The following LARP4B variants were observed in gnomAD, a reference collection of about 807,000 sequenced individuals.
LARP4B encodes la-related protein 4B.
A neutral mutation model predicts 89.8 loss-of-function variants in LARP4B; 12 were observed. That is an observed-to-expected ratio of 0.13 (90% CI 0.09 to 0.22). The LOEUF is 0.22. Ranked by LOEUF, LARP4B falls within the 10% of genes least tolerant of loss-of-function variation. LARP4B has a pLI of 1.00. For missense variants in LARP4B, 757 were observed against 947.7 expected (o/e 0.80, Z 2.64); for synonymous variants, 367 against 363.3 (o/e 1.01, Z -0.12).
intron 11 of LARP4B, among the ~76,000 whole-genome samples, 190 bp from the exon 12 acceptor site, chr10:826,060 T>C (rs368012246): frequency 1.3e-5 from 2 of 152,250 alleles, no homozygotes; most frequent in African/African-American, 4.8e-5. Context: ...CTTTTGTGCA[T>C]CCTTTCAGCC....
intron 3 of LARP4B, among the ~76,000 whole-genome samples, chr10:883,181 T>C: frequency 6.6e-6 from 1 of 152,244 alleles, no homozygotes; most frequent in Admixed American, 6.5e-5. Context: ...AATTTTCTTC[T>C]TAGACTACCA....
At chr10:925,031 T>C (rs987640796) in intron 1 of LARP4B, among the ~76,000 whole-genome samples, 36 of 152,338 alleles carry the variant, frequency 2.4e-4, no homozygotes, top group African/African-American at 8.2e-4. Context: ...TTATATGGTA[T>C]GTTATAGTGT....
At chr10:825,044 A>T in intron 13 of LARP4B, 21 bp downstream of exon 13, 1 of 1,606,932 alleles carries the variant, frequency 6.2e-7, no homozygotes. Context: ...GATGTTACAC[A>T]GTAACTGCTC....
the LARP4B span, among the ~76,000 whole-genome samples, chr10:943,066 C>T: frequency 2.0e-5 from 3 of 151,752 alleles, no homozygotes; most frequent in Non-Finnish European, 4.4e-5. Context: ...CCTGCCTTGG[C>T]CTCCCAAGTA....
chr10:881,895 T>C (rs1216782231), intron 3 of LARP4B, among the ~76,000 whole-genome samples: 1 of 152,182 alleles, frequency 6.6e-6, no homozygotes, highest in Non-Finnish European at 1.5e-5. Flanking sequence ...CCATAGAAAA[T>C]GTCTTAGCCA....
chr10:967,107 G>C, the LARP4B span, among the ~76,000 whole-genome samples: 3 of 152,242 alleles, frequency 2.0e-5, no homozygotes, highest in Non-Finnish European at 4.4e-5. Flanking sequence ...GCCACACACA[G>C]AGCTGCAGTC....
intron 1 of LARP4B, among the ~76,000 whole-genome samples, chr10:898,263 C>G (rs963205619): frequency 6.6e-6 from 1 of 152,154 alleles, no homozygotes; most frequent in African/African-American, 2.4e-5. Context: ...CATACAGAAA[C>G]TACAATCTTC....
chr10:881,817 A>G (rs1232666352), intron 3 of LARP4B, among the ~76,000 whole-genome samples: 1 of 152,248 alleles, frequency 6.6e-6, no homozygotes, highest in East Asian at 1.9e-4. Flanking sequence ...CAATGTGATC[A>G]TGCAATCTTG....
At chr10:912,213 T>C (rs547543935) in intron 1 of LARP4B, among the ~76,000 whole-genome samples, 3 of 152,180 alleles carry the variant, frequency 2.0e-5, no homozygotes, top group Admixed American at 2.0e-4. Context: ...AATCTTTGGC[T>C]TCCCTGGGCC....
rs375769674 is a variant in LARP4B at position 812,933 on chromosome 10, G to A, written c.2210C>T (p.Pro737Leu). ...SREQSTPPKS[P>L]Q ...CTCCCAGACGTACGGTTTTCACTGA[G>A]GAGACTTGGGGGGAGTGCTCTGCTC... is the stretch of plus-strand genomic sequence containing the variant. Residue 737 changes from proline (P) to leucine (L), a missense_variant, in exon 18 of 18, where the codon CCT becomes CTT. This residue lies in a region of LARP4B where 387 missense variants were observed against 423.6 expected (regional missense o/e 0.91). Coordinates refer to ENST00000316157, the MANE Select transcript of LARP4B (RefSeq NM_015155.3). 3.9e-6 allele frequency: 6 copies of A among 1,538,168 alleles called. No individual in the cohort carries two copies. The highest frequency in any genetic ancestry group is 5.2e-6 in the Non-Finnish European group (6 of 1,150,214).
Position 829,661 on chromosome 10 carries a change from T to A in LARP4B, c.915+20A>T, listed in dbSNP as rs752206443. 1.2e-6 allele frequency: 2 copies of A among 1,611,624 alleles called. No homozygotes were observed. The highest frequency in any genetic ancestry group is 2.2e-5 in the South Asian group (2 of 91,060). On this transcript the variant is annotated intron_variant, in intron 10 of 17. Transcript: ENST00000316157. ...CATCAATTTGCAAATAAACAAAGTA[T>A]AACCAATGGTCTTGCTTACCTTAAT...
the LARP4B span, among the ~76,000 whole-genome samples, chr10:962,562 C>A: frequency 6.6e-6 from 1 of 152,156 alleles, no homozygotes; most frequent in Admixed American, 6.5e-5. Flanking sequence ...ATGTGTGGGA[C>A]AAACCTGTTA....
chr10:886,553 T>A (rs138307976), intron 1 of LARP4B, among the ~76,000 whole-genome samples: 315 of 152,330 alleles, frequency 2.1e-3, no homozygotes, highest in Admixed American at 4.0e-3. Context: ...CACATAGTTG[T>A]CCATCAATGG....
chr10:862,875 C>A (rs1026497418), intron 5 of LARP4B, among the ~76,000 whole-genome samples: 1 of 152,160 alleles, frequency 6.6e-6, no homozygotes, highest in Non-Finnish European at 1.5e-5. Flanking sequence ...CGTTTTTTAG[C>A]CACTACTACA....
At chr10:922,409 A>G (rs746669941) in intron 1 of LARP4B, among the ~76,000 whole-genome samples, 1 of 152,176 alleles carries the variant, frequency 6.6e-6, no homozygotes, top group Non-Finnish European at 1.5e-5. Flanking sequence ...CTAGCAATTT[A>G]GCCTGGTAAC....
chr10:810,139 C>T lies in LARP4B; in HGVS notation c.*2787G>A, dbSNP rs1034897143. On this transcript the variant is annotated 3_prime_UTR_variant, in exon 18 of 18. Coordinates refer to ENST00000316157, the MANE Select transcript of LARP4B (RefSeq NM_015155.3). The stretch of plus-strand genomic sequence containing the variant: ...CACTGCTGCATCTCTGATTCTATAA[C>T]CTGAGATACTGCTGGGGGTAAAGGA... 6.6e-6 allele frequency: 1 copy of T among 151,708 alleles called. No homozygotes were observed. Among genetic ancestry groups the T allele is most frequent in the Non-Finnish European group, 1.5e-5 (1 of 67,950 alleles). The allele number at this position is 151,708 out of a possible 1,614,324, so 9.4% of individuals were successfully genotyped here. A position where few individuals can be genotyped will look rare whatever the true frequency, so the allele number is the denominator to read the frequency against.
the LARP4B span, among the ~76,000 whole-genome samples, chr10:956,193 C>G: frequency 6.6e-6 from 1 of 152,186 alleles, no homozygotes. The surrounding 1 kb of genome is among the most constrained non-coding windows in gnomAD (Gnocchi z 4.3). Context: ...CAAGCCAACC[C>G]CTACAGCTGA....
At chr10:871,021 A>T (rs1835174691) in intron 3 of LARP4B, among the ~76,000 whole-genome samples, 2 of 152,246 alleles carry the variant, frequency 1.3e-5, no homozygotes, top group South Asian at 4.1e-4. Flanking sequence ...GTACATCCTG[A>T]CTTGGCACTG....
At chr10:815,417 G>C (rs1831987881) in intron 15 of LARP4B, 1 of 171,454 alleles carries the variant, frequency 5.8e-6, no homozygotes, top group African/African-American at 2.4e-5. Context: ...AACACCACAT[G>C]CATATCTGCT....
Sources: gnomAD v4.1 joint callset for allele counts (sites outside exome capture counted in the v4.1 genomes callset) on GRCh38, gnomAD v4.1.1 for gene constraint, gnomAD v4.1.1 regional missense constraint, Gnocchi (gnomAD v3.1) non-coding constraint, MANE v1.5 for transcripts, NCBI Gene and HGNC (gene_info 2026-07-23, HGNC 2026-07-21) for gene names.